Variants in C2CD2 observed in about 807,000 individuals in gnomAD.
The protein encoded by C2CD2 is C2 calcium dependent domain containing 2, also known as C2 domain-containing protein 2.
A neutral mutation model predicts 74.3 loss-of-function variants in C2CD2; 43 were observed. That is an observed-to-expected ratio of 0.58 (90% CI 0.45 to 0.75). The LOEUF (loss-of-function observed/expected upper bound fraction) is 0.75, where lower values mean the gene tolerates loss of function less well. Ranked by LOEUF, C2CD2 falls within the 30% of genes least tolerant of loss-of-function variation. The pLI is 0.00. For synonymous variants in C2CD2, 422 were observed against 390.7 expected (o/e 1.08, Z -0.94); for missense variants, 801 against 916.3 (o/e 0.87, Z 1.63).
chr21:41,901,840 A>G, intron 11 of C2CD2, 91 bp from the exon 12 acceptor site: 1 of 1,164,636 alleles, frequency 8.6e-7, no homozygotes, highest in East Asian at 2.4e-5. Flanking sequence ...TCGATAAGCA[A>G]TGGTTAGCAG....
At position 41,924,794 on chromosome 21, in the gene C2CD2, C is replaced by G. The variant is rs2065191341; in HGVS notation, c.379-2709G>C. ...CTCTACTAAGCTAATCAGCATTGTA[C>G]CAAGAAAACAGACTCAGAGCCTCAA... is the stretch of plus-strand genomic sequence containing the variant. On this transcript the variant is annotated intron_variant, in intron 2 of 13. Coordinates refer to ENST00000380486, the MANE Select transcript of C2CD2 (RefSeq NM_015500.2). The surrounding 1 kb of genome is among the most constrained non-coding windows in gnomAD (Gnocchi z 4.4). Among the ~76,000 whole-genome samples, 2 of 152,268 alleles carry G rather than the reference C, an allele frequency of 1.3e-5. No individual in the cohort carries two copies. The highest frequency in any genetic ancestry group is 2.1e-4 in the South Asian group (1 of 4,824).
rs1434456985 is a variant in C2CD2, at chr21:41,907,740, G to A, written c.1063C>T (p.Gln355Ter). The change falls in exon 9 of 14, where the codon CAG becomes TAG. Residue 355 changes from glutamine (Q) to a stop codon, truncating the protein, a stop_gained. Transcript: ENST00000380486. LOFTEE classifies it high-confidence loss of function. ...ATVPLDLFKK[Q>*]PSGPQSFTLT... The stretch of plus-strand genomic sequence containing the variant: ...GTGAAGCTCTGTGGCCCAGAAGGCT[G>A]CTTCTTAAATAAGTCCAGAGGAACT... 1.2e-6 allele frequency: 2 copies of A among 1,613,610 alleles called. No individual in the cohort carries two copies. The highest frequency in any genetic ancestry group is 1.3e-5 in the African/African-American group (1 of 74,938).
chr21:41,951,025 C>G (rs1357448205), intron 1 of C2CD2, among the ~76,000 whole-genome samples: 1 of 152,058 alleles, frequency 6.6e-6, no homozygotes, highest in African/African-American at 2.4e-5. Flanking sequence ...AGCCCTAATC[C>G]GGGATTAGTG....
chr21:41,925,561 C>A (rs181773971), intron 2 of C2CD2, among the ~76,000 whole-genome samples: 1 of 152,228 alleles, frequency 6.6e-6, no homozygotes, highest in Non-Finnish European at 1.5e-5. Flanking sequence ...CCTCTTCCAG[C>A]GCCAGCCCCT....
At chr21:41,947,833 C>G (rs1021902665) in intron 1 of C2CD2, among the ~76,000 whole-genome samples, 1 of 152,314 alleles carries the variant, frequency 6.6e-6, no homozygotes, top group South Asian at 2.1e-4. Context: ...GAGGGTAGAG[C>G]TGGAGCACAA....
chr21:41,913,943 C>A (rs73904781), intron 6 of C2CD2, among the ~76,000 whole-genome samples: 3,589 of 152,252 alleles, frequency 0.024, 149 homozygotes, highest in African/African-American at 0.082. Context: ...TCCCTACATC[C>A]CCCTTCACCC....
intron 2 of C2CD2, among the ~76,000 whole-genome samples, chr21:41,930,886 A>G (rs893296879): frequency 6.0e-5 from 9 of 149,878 alleles, no homozygotes; most frequent in African/African-American, 2.2e-4. Context: ...GGGTCATGAA[A>G]AGCTTCTGAA....
chr21:41,951,696 A>T (rs1028891093), intron 1 of C2CD2, among the ~76,000 whole-genome samples: 1 of 152,246 alleles, frequency 6.6e-6, no homozygotes, highest in African/African-American at 2.4e-5. Context: ...TGACTTGACC[A>T]GCCTAAGACA....
chr21:41,947,112 T>TCTCTCCC (rs1555906757), intron 1 of C2CD2, among the ~76,000 whole-genome samples: 1 of 26,148 alleles, frequency 3.8e-5, no homozygotes, highest in Non-Finnish European at 9.1e-5. Flanking sequence ...CCTTTCTCTT[T>TCTCTCCC]TCTCTCTCTC....
At chr21:41,953,301 G>T (rs938533491) in intron 1 of C2CD2, 69 bp downstream of exon 1, 3 of 1,122,444 alleles carry the variant, frequency 2.7e-6, no homozygotes, top group Non-Finnish European at 2.4e-6. Flanking sequence ...ACGCCTCCAG[G>T]AAAGACCTCG....
rs1308077167 is a variant in C2CD2 at position 41,895,048 on chromosome 21, T to A, written c.1870+4005A>T. Reference sequence around the variant, plus strand: ...TGCGGCTGGGAAGGCATTGTGTAGATGTGGATAACAACTCCAGCCAGTGGA... The same window carrying A: ...TGCGGCTGGGAAGGCATTGTGTAGAAGTGGATAACAACTCCAGCCAGTGGA... On this transcript the variant is annotated intron_variant, in intron 13 of 13. Coordinates refer to ENST00000380486, the MANE Select transcript of C2CD2 (RefSeq NM_015500.2). The surrounding 1 kb of genome is among the most constrained non-coding windows in gnomAD (Gnocchi z 5.0). 1 of 435,638 alleles carries A rather than the reference T, an allele frequency of 2.3e-6. No homozygotes were observed. The highest frequency in any genetic ancestry group is 4.7e-6 in the Non-Finnish European group (1 of 214,038). The allele number at this position is 435,638 out of a possible 1,614,324, so 27.0% of individuals were successfully genotyped here.
intron 1 of C2CD2, chr21:41,952,813 C>T (rs1301942005): frequency 6.6e-6 from 1 of 152,312 alleles, no homozygotes; most frequent in African/African-American, 2.4e-5. Context: ...ACCCCTGTCC[C>T]GGGAGTTGTG....
At position 41,923,820 on chromosome 21, in the gene C2CD2, G is replaced by A. The variant is rs901870080; in HGVS notation, c.379-1735C>T. On this transcript the variant is annotated intron_variant, in intron 2 of 13. Coordinates refer to ENST00000380486, the MANE Select transcript of C2CD2 (RefSeq NM_015500.2). This position sits in a 1 kb window ranked among gnomAD's most constrained non-coding sequence, Gnocchi z 5.8. ...AGAATGAGAGGTCAGACCCCTCCCC[G>A]CTCCCCTCCCGGGGGCAGAGGGCCA... Among the ~76,000 whole-genome samples, 5 of 152,084 alleles carry A rather than the reference G, an allele frequency of 3.3e-5. No homozygotes were observed. The highest frequency in any genetic ancestry group is 1.2e-4 in the African/African-American group (5 of 41,406).
chr21:41,942,952 C>T (rs57698847), intron 1 of C2CD2: 1 of 984,876 alleles, frequency 1.0e-6, no homozygotes, highest in East Asian at 1.1e-4. Flanking sequence ...GTTCCCCCAG[C>T]ATCCTTCCAG....
rs369436071 is a variant in C2CD2 at position 41,899,150 on chromosome 21, C to A, written c.1773G>T (p.Ala591=). 1.2e-6 allele frequency: 2 copies of A among 1,613,538 alleles called. No individual in the cohort carries two copies. Among genetic ancestry groups the A allele is most frequent in the African/African-American group, 2.7e-5 (2 of 74,910 alleles). The part of the protein sequence containing the change: ...SWDLEKEPQA[A]AWSSQVLLDP... ...CCAGCAGGACCTGGCTGCTCCATGC[C>A]GCGGCCTGTGGCTCCTTCTCCAAGT... Residue 591 remains alanine (A), a synonymous_variant, in exon 13 of 14, where the codon GCG becomes GCT. Transcript: ENST00000380486. The surrounding 1 kb of genome is among the most constrained non-coding windows in gnomAD (Gnocchi z 4.4).
At position 41,947,332 on chromosome 21, in the gene C2CD2, A is replaced by T. The variant is rs188483253; in HGVS notation, c.280-5087T>A. ...ACCACCACGCCCAGCTAATTTTGTAATTTTAGTAGAGATGGGGTTTCTCCA... is the reference window on the plus strand; with the variant it reads ...ACCACCACGCCCAGCTAATTTTGTATTTTTAGTAGAGATGGGGTTTCTCCA... On this transcript the variant is annotated intron_variant, in intron 1 of 13. Coordinates refer to ENST00000380486, the MANE Select transcript of C2CD2 (RefSeq NM_015500.2). Among the ~76,000 whole-genome samples the T allele has an allele frequency of 5.7e-3, 863 of 151,576 alleles. 9 individuals are homozygous for T. The highest frequency in any genetic ancestry group is 0.02 in the African/African-American group (817 of 41,340).
chr21:41,925,887 A>G (rs915487949), intron 2 of C2CD2, among the ~76,000 whole-genome samples: 4 of 152,026 alleles, frequency 2.6e-5, no homozygotes, highest in African/African-American at 9.7e-5. Context: ...CCTGATTTTG[A>G]CCCTAGATCC....
At chr21:41,931,452 C>G (rs1385248896) in intron 2 of C2CD2, among the ~76,000 whole-genome samples, 1 of 136,818 alleles carries the variant, frequency 7.3e-6, no homozygotes, top group East Asian at 2.1e-4. Flanking sequence ...GAGACGGAGT[C>G]TTGCTCTGTC....
Position 41,923,958 on chromosome 21 carries a change from G to A in C2CD2, c.379-1873C>T, listed in dbSNP as rs79692130. Among the ~76,000 whole-genome samples, 1,353 of 152,276 alleles carry A rather than the reference G, an allele frequency of 8.9e-3. 26 individuals are homozygous for A. The highest frequency in any genetic ancestry group is 0.031 in the African/African-American group (1,278 of 41,550). On this transcript the variant is annotated intron_variant, in intron 2 of 13. Coordinates refer to ENST00000380486, the MANE Select transcript of C2CD2 (RefSeq NM_015500.2). The surrounding 1 kb of genome is among the most constrained non-coding windows in gnomAD (Gnocchi z 5.8). ...CTGGACCACAGGGCAGGCACAAGGG[G>A]GTTCCGTAGGTGGCCAGTGTTTGGC... is the stretch of plus-strand genomic sequence containing the variant.
Sources: allele counts gnomAD v4.1 joint callset (sites outside exome capture counted in the v4.1 genomes callset), GRCh38; gene constraint gnomAD v4.1.1; non-coding constraint Gnocchi (gnomAD v3.1); transcripts MANE v1.5; gene names NCBI Gene and HGNC (gene_info 2026-07-23, HGNC 2026-07-21).